Variants in CEP250 observed in about 807,000 individuals in gnomAD.
CEP250 encodes the protein centrosomal protein 250.
A neutral mutation model predicts 315.7 loss-of-function variants in CEP250; 242 were observed. That is an observed-to-expected ratio of 0.77 (90% CI 0.69 to 0.85). The LOEUF is 0.85. Among genes scored for constraint, CEP250 ranks in the 40% least tolerant of loss-of-function variants. The pLI, the probability that CEP250 is intolerant of heterozygous loss-of-function variation, is 0.00. For synonymous variants in CEP250, 1,088 were observed against 1,175.0 expected, an observed-to-expected ratio of 0.93 and a Z score of 1.51; for missense variants, 2,515 against 2,886.4, an observed-to-expected ratio of 0.87 and a Z score of 2.95.
At position 35,465,680 on chromosome 20, in the gene CEP250, AG is replaced by A. The variant is rs369625712; in HGVS notation, c.244-60del. Reference sequence around the variant, plus strand: ...GTGGACTGCCATGGAAGGGAGCCTTAGGGAACTGGTCTGAGTGATGTTCTCT... The same window carrying A: ...GTGGACTGCCATGGAAGGGAGCCTTAGGAACTGGTCTGAGTGATGTTCTCT... On this transcript the variant is annotated intron_variant, in intron 5 of 34. Transcript: ENST00000397527. The A allele has an allele frequency of 1.9e-5, 23 of 1,214,640 alleles. No individual in the cohort carries two copies. In the African/African-American group the frequency reaches 3.2e-4, roughly 17 times the overall value. The allele number at this position is 1,214,640 out of a possible 1,614,324, so 75.2% of individuals were successfully genotyped here.
chr20:35,482,434 A>AGCGG (rs1436006946), intron 20 of CEP250, among the ~76,000 whole-genome samples: 3,442 of 151,312 alleles, frequency 0.023, 147 homozygotes, highest in African/African-American at 0.079. Flanking sequence ...AATTTTTTGT[A>AGCGG]TTCACCGTGT....
chr20:35,501,828 CTCCT>C lies in CEP250; in HGVS notation c.3899-16_3899-13del. On this transcript the variant is annotated splice_polypyrimidine_tract_variant and intron_variant, in intron 28 of 34. Coordinates refer to ENST00000397527, the MANE Select transcript of CEP250 (RefSeq NM_007186.6). ...CTTACTCCACTACCTCTCCTCTCCT[CTCCT>C]CTCTTCTCAAAGAGAAATCTAAGTG... 7.1e-7 allele frequency: 1 copy of C among 1,417,566 alleles called. No individual in the cohort carries two copies. The highest frequency in any genetic ancestry group is 2.6e-5 in the East Asian group (1 of 38,264). 87.8% of individuals were successfully genotyped at this position (1,417,566 alleles called of 1,614,324 possible). A position where few individuals can be genotyped will look rare whatever the true frequency, so the allele number is the denominator to read the frequency against.
At chr20:35,483,102 C>T (rs1190941898) in intron 20 of CEP250, among the ~76,000 whole-genome samples, 1 of 151,838 alleles carries the variant, frequency 6.6e-6, no homozygotes, top group Non-Finnish European at 1.5e-5. Context: ...GGGCGGATCA[C>T]CTGAGGTCAG....
chr20:35,472,025 A>T (rs1374521159), intron 10 of CEP250, 25 bp from the exon 11 acceptor site: 1 of 1,371,194 alleles, frequency 7.3e-7, no homozygotes, highest in African/African-American at 1.4e-5. Context: ...TTTGGCTCTG[A>T]GGCTCTGTTC....
Position 35,479,732 on chromosome 20 carries a change from T to G in CEP250, c.2375T>G (p.Val792Gly), listed in dbSNP as rs765852107. Reference protein sequence around the residue: ...VIEVTKGQLEVQIQTVTQAKE... With the variant: ...VIEVTKGQLEGQIQTVTQAKE... ...GAGGTCACCAAGGGGCAGCTGGAGG[T>G]CCAGATTCAAACTGTCACTCAAGCC... Residue 792 changes from valine to glycine, a missense_variant, in exon 19 of 35, where the codon GTC (valine) becomes GGC (glycine). By Grantham distance (109) the Val-to-Gly change is moderately radical. Coordinates refer to ENST00000397527, the MANE Select transcript of CEP250 (RefSeq NM_007186.6). 6.2e-7 allele frequency: 1 copy of G among 1,613,882 alleles called. No homozygotes were observed. Among genetic ancestry groups the G allele is most frequent in the Admixed American group, 1.7e-5 (1 of 59,988 alleles).
chr20:35,502,486 G>A lies in CEP250; in HGVS notation c.4117G>A (p.Ala1373Thr). The A allele has an allele frequency of 6.2e-7, 1 of 1,614,206 alleles. No individual in the cohort carries two copies. The highest frequency in any genetic ancestry group is 2.2e-5 in the East Asian group (1 of 44,874). ...AVVEARAQASAAGILEEDLRT... is the reference protein window; with the variant it reads ...AVVEARAQASTAGILEEDLRT... ...CGTAGAAGCCAGGGCTCAGGCAAGT[G>A]CTGCTGGCATCCTGGAAGAAGACCT... The change falls in exon 30 of 35, where the codon GCT (alanine) becomes ACT (threonine). Residue 1373 changes from alanine (A) to threonine (T), a missense_variant. Physicochemically the swap from Ala to Thr is moderately conservative, Grantham distance 58. Transcript: ENST00000397527.
At position 35,490,975 on chromosome 20, in the gene CEP250, G is replaced by A. The variant is rs542860920; in HGVS notation, c.2754+171G>A. ...GGTCCGCACCATTAGCCACAGTTCC[G>A]GCAGTATGTCATACTTCCTGAGGGA... On this transcript the variant is annotated intron_variant, in intron 21 of 34. Transcript: ENST00000397527. 1.9e-4 allele frequency: 159 copies of A among 821,630 alleles called. 1 individual carries two copies. The South Asian group carries it at 2.2e-3, about 11-fold the overall frequency. The allele number at this position is 821,630 out of a possible 1,614,324, so 50.9% of individuals were successfully genotyped here. A position where few individuals can be genotyped will look rare whatever the true frequency, so the allele number is the denominator to read the frequency against.
intron 20 of CEP250, among the ~76,000 whole-genome samples, chr20:35,483,335 A>T (rs224369): frequency 0.93 from 126,626 of 135,642 alleles, 59,215 homozygotes; most frequent in East Asian, 1. Context: ...AAAAAAAAAA[A>T]TTTTTTTTTT....
chr20:35,484,215 C>G (rs889963515), intron 20 of CEP250, among the ~76,000 whole-genome samples: 1 of 150,824 alleles, frequency 6.6e-6, no homozygotes, highest in African/African-American at 2.4e-5. Context: ...CCCCAGAGAC[C>G]TTTGTTCTGA....
At chr20:35,472,958 T>C in intron 12 of CEP250, 127 bp downstream of exon 12, 2 of 873,654 alleles carry the variant, frequency 2.3e-6, no homozygotes, top group Admixed American at 2.6e-5. Flanking sequence ...GTTCTGTCAA[T>C]ATCCCAGAGT....
Position 35,469,950 on chromosome 20 carries a change from G to A in CEP250, c.912G>A (p.Lys304=), listed in dbSNP as rs1160276034. ...AGAAGCAAAATGAAGATTATGAAAA[G>A]ATGATAAAGGCTCTGAGAGAGACAG... ...QSQKQNEDYE[K]MIKALRETVE... The change falls in exon 10 of 35, where the codon AAG becomes AAA. Residue 304 remains lysine (K), a synonymous_variant. Transcript: ENST00000397527. 1.2e-6 allele frequency: 2 copies of A among 1,613,934 alleles called. No individual in the cohort carries two copies. Among genetic ancestry groups the A allele is most frequent in the Non-Finnish European group, 1.7e-6 (2 of 1,179,854 alleles).
At chr20:35,497,433 A>G (rs2063870138) in intron 25 of CEP250, among the ~76,000 whole-genome samples, 1 of 152,232 alleles carries the variant, frequency 6.6e-6, no homozygotes, top group Non-Finnish European at 1.5e-5. Flanking sequence ...GTTTCAGGGC[A>G]GAGTTCTGGT....
chr20:35,461,742 C>T (rs2062760984), intron 3 of CEP250, among the ~76,000 whole-genome samples: 1 of 152,200 alleles, frequency 6.6e-6, no homozygotes, highest in Middle Eastern at 3.4e-3. Flanking sequence ...AATGAGAAGG[C>T]ATTGGAAGGT....
intron 25 of CEP250, among the ~76,000 whole-genome samples, chr20:35,497,083 A>G (rs1417618633): frequency 2.0e-5 from 3 of 152,126 alleles, no homozygotes; most frequent in Non-Finnish European, 4.4e-5. Flanking sequence ...GGCAGGCAGC[A>G]GCAAGACTTC....
At chr20:35,481,742 G>C (rs905545471) in intron 20 of CEP250, among the ~76,000 whole-genome samples, 12 of 151,280 alleles carry the variant, frequency 7.9e-5, no homozygotes, top group Non-Finnish European at 1.6e-4. Context: ...TCACTCTGTC[G>C]CCTAGACTGG....
At position 35,514,375 on chromosome 20, in the gene CEP250, T is replaced by C. The variant is rs931554839; in HGVS notation, c.*2749T>C. ...GATTATCTTCTTGCAGAAAACTTTTTTCCCCCTTCCTAATCTTGTCTGCTT... is the reference window on the plus strand; with the variant it reads ...GATTATCTTCTTGCAGAAAACTTTTCTCCCCCTTCCTAATCTTGTCTGCTT... On this transcript the variant is annotated 3_prime_UTR_variant, in exon 35 of 35. Transcript: ENST00000397527. The C allele has an allele frequency of 6.6e-6, 1 of 152,296 alleles. No homozygotes were observed. Among genetic ancestry groups the C allele is most frequent in the Non-Finnish European group, 1.5e-5 (1 of 68,074 alleles). 9.4% of individuals were successfully genotyped at this position (152,296 alleles called of 1,614,324 possible).
Position 35,497,914 on chromosome 20 carries a change from G to A in CEP250, c.3502G>A (p.Ala1168Thr), listed in dbSNP as rs781608093. The change falls in exon 26 of 35, where the codon GCA (alanine) becomes ACA (threonine). Residue 1168 changes from alanine (A) to threonine (T), a missense_variant. Ala to Thr is a moderately conservative substitution (Grantham distance 58). Coordinates refer to ENST00000397527, the MANE Select transcript of CEP250 (RefSeq NM_007186.6). ...AGAGAGCCAGCTAGAAGCGCTGGCC[G>A]CAGAGCAGCAGCCCGGGAACCAGGC... ...STESQLEALA[A>T]EQQPGNQAQA... 26 of 1,609,302 alleles carry A rather than the reference G, an allele frequency of 1.6e-5. No individual in the cohort carries two copies. The highest frequency in any genetic ancestry group is 7.8e-5 in the South Asian group (7 of 90,280).
chr20:35,468,710 C>G (rs1238539514), intron 9 of CEP250, among the ~76,000 whole-genome samples: 1 of 152,226 alleles, frequency 6.6e-6, no homozygotes, highest in African/African-American at 2.4e-5. Flanking sequence ...GAGTCTAGCT[C>G]TGTTGCCCAG....
At position 35,462,522 on chromosome 20, in the gene CEP250, A is replaced by C. The variant is rs2062778275; in HGVS notation, c.155A>C (p.Gln52Pro). Residue 52 changes from glutamine to proline, a missense_variant, in exon 4 of 35, where the codon CAA becomes CCA. By Grantham distance (76) the Gln-to-Pro change is moderately conservative (BLOSUM62 -1). Transcript: ENST00000397527. Reference protein sequence around the residue: ...LKNSQEAQQRQATLVRKLQAK... With the variant: ...LKNSQEAQQRPATLVRKLQAK... ...AACTCCCAGGAGGCCCAGCAGAGAC[A>C]AGCAACCCTTGTGAGGAAGCTGCAG... 6.2e-7 allele frequency: 1 copy of C among 1,608,764 alleles called. No individual in the cohort carries two copies. Among genetic ancestry groups the C allele is most frequent in the South Asian group, 1.1e-5 (1 of 90,152 alleles).
Sources: allele counts gnomAD v4.1 joint callset (sites outside exome capture counted in the v4.1 genomes callset), GRCh38; gene constraint gnomAD v4.1.1; transcripts MANE v1.5; gene names NCBI Gene and HGNC (gene_info 2026-07-23, HGNC 2026-07-21).